The following KMT2A variants were observed in gnomAD, a reference collection of about 807,000 sequenced individuals.
The protein encoded by KMT2A is histone-lysine N-methyltransferase 2A.
A neutral mutation model predicts 345.3 loss-of-function variants in KMT2A; 16 were observed. The ratio of observed to expected loss-of-function variants is 0.05; its 90% CI spans 0.03 to 0.07. KMT2A has a LOEUF of 0.07. Among genes scored for constraint, KMT2A ranks in the 10% least tolerant of loss-of-function variants. KMT2A has a pLI of 1.00. For missense variants in KMT2A, 3,272 were observed against 4,841.6 expected, an observed-to-expected ratio of 0.68 and a Z score of 9.62; for synonymous variants, 1,599 against 1,778.6, an observed-to-expected ratio of 0.90 and a Z score of 2.54.
Position 118,455,002 on chromosome 11 carries a change from C to G in KMT2A, c.433-13773C>G, listed in dbSNP as rs76661490. On this transcript the variant is annotated intron_variant, in intron 1 of 35. Coordinates refer to ENST00000534358, the MANE Select transcript of KMT2A (RefSeq NM_001197104.2). Reference sequence around the variant, plus strand: ...CCACAGCTAACACCTCTCCACCCCCCACTCCTGTCAATTCTTATTGTCCTA... The same window carrying G: ...CCACAGCTAACACCTCTCCACCCCCGACTCCTGTCAATTCTTATTGTCCTA... Among the ~76,000 whole-genome samples the G allele has an allele frequency of 4.3e-3, 656 of 152,202 alleles. 7 individuals carry two copies. Among genetic ancestry groups the G allele is most frequent in the African/African-American group, 0.015 (634 of 41,518 alleles).
At chr11:118,469,373 T>G (rs902276136) in intron 2 of KMT2A, among the ~76,000 whole-genome samples, 21 of 152,170 alleles carry the variant, frequency 1.4e-4, no homozygotes, top group African/African-American at 5.1e-4. Context: ...TTTTTTTGGA[T>G]GAAATTTGGT....
chr11:118,502,314 AT>A lies in KMT2A; in HGVS notation c.6506-83del. The A allele has an allele frequency of 1.3e-6, 1 of 767,536 alleles. No homozygotes were observed. Among genetic ancestry groups the A allele is most frequent in the Non-Finnish European group, 2.1e-6 (1 of 483,260 alleles). 47.5% of individuals were successfully genotyped at this position (767,536 alleles called of 1,614,324 possible). On this transcript the variant is annotated intron_variant, in intron 26 of 35. Transcript: ENST00000534358. This position sits in a 1 kb window ranked among gnomAD's most constrained non-coding sequence, Gnocchi z 4.9. ...TCCAGTTACCTATAAATATATATAT[AT>A]ATAGTCAAATCATTGAAACCAGTGA...
intron 1 of KMT2A, among the ~76,000 whole-genome samples, chr11:118,443,856 C>T (rs1555026499): frequency 6.6e-6 from 1 of 152,080 alleles, no homozygotes; most frequent in African/African-American, 2.4e-5. Context: ...GAGTTTCTTC[C>T]GTATATAGTG....
intron 28 of KMT2A, chr11:118,507,841 T>C (rs990885043): frequency 1.9e-5 from 8 of 411,312 alleles, no homozygotes; most frequent in African/African-American, 1.6e-4. Context: ...CGGGCGCCTG[T>C]AGTCCCAGCC....
In KMT2A at chr11:118,476,883, C is replaced by T; in HGVS notation, c.3235C>T (p.Leu1079Phe). 6.2e-7 allele frequency: 1 copy of T among 1,614,204 alleles called. No individual in the cohort carries two copies. The highest frequency in any genetic ancestry group is 8.5e-7 in the Non-Finnish European group (1 of 1,180,034). ...TGTCTGCAGAAGAGCAGCTGTTGCC[C>T]TTGGCCGAAAACGAGCTGTGTTTCC... ...KHVCRRAAVA[L>F]GRKRAVFPDD... Residue 1079 changes from leucine (L) to phenylalanine (F), a missense_variant, in exon 4 of 36, where the codon CTT becomes TTT. This residue lies in a region of KMT2A where 6 missense variants were observed against 54.1 expected (regional missense o/e 0.11). Transcript: ENST00000534358. The surrounding 1 kb of genome is among the most constrained non-coding windows in gnomAD (Gnocchi z 4.1).
rs1456583022 is a variant in KMT2A at position 118,503,123 on chromosome 11, A to C, written c.7231A>C (p.Ser2411Arg). The C allele has an allele frequency of 6.2e-7, 1 of 1,613,536 alleles. No homozygotes were observed. The highest frequency in any genetic ancestry group is 8.5e-7 in the Non-Finnish European group (1 of 1,180,014). ...CAAAACCTTGAAGCTATCTGGAATG[A>C]GCAACAGATCATCCATTATCAACGA... The part of the protein sequence containing the change: ...EVKTLKLSGM[S>R]NRSSIINEHM... Residue 2411 changes from serine (S) to arginine (R), a missense_variant, in exon 27 of 36, where the codon AGC becomes CGC. Transcript: ENST00000534358. The surrounding 1 kb of genome is among the most constrained non-coding windows in gnomAD (Gnocchi z 5.3).
intron 22 of KMT2A, 74 bp from the exon 23 acceptor site, chr11:118,499,229 C>A (rs1950459287): frequency 3.2e-6 from 3 of 937,030 alleles, no homozygotes; most frequent in African/African-American, 1.6e-5. Context: ...GCCTTCCACT[C>A]TGAGACAGTC....
rs2135282142 is a variant in KMT2A at position 118,519,663 on chromosome 11, T to C, written c.11192T>C (p.Val3731Ala). 6.2e-7 allele frequency: 1 copy of C among 1,614,188 alleles called. No individual in the cohort carries two copies. ...CTGGGGATTCTCCATGATGCAGTTG[T>C]GTTCCTCATTGAGCAGCTGTCTGGT... Reference protein sequence around the residue: ...RMLGILHDAVVFLIEQLSGAK... With the variant: ...RMLGILHDAVAFLIEQLSGAK... Residue 3731 changes from valine (V) to alanine (A), a missense_variant, in exon 32 of 36, where the codon GTG becomes GCG. Transcript: ENST00000534358.
chr11:118,492,462 G>A (rs1950340022), intron 15 of KMT2A, among the ~76,000 whole-genome samples: 1 of 152,202 alleles, frequency 6.6e-6, no homozygotes, highest in Non-Finnish European at 1.5e-5. Context: ...GGCGGATCAC[G>A]AGGTCAGGAG....
intron 31 of KMT2A, among the ~76,000 whole-genome samples, chr11:118,513,223 G>A (rs1591296936): frequency 6.6e-6 from 1 of 151,938 alleles, no homozygotes; most frequent in South Asian, 2.1e-4. Flanking sequence ...CAGCCTGAAC[G>A]ACAGATAAAT....
rs2134402869 is a variant in KMT2A, at chr11:118,504,982, C to T, written c.9090C>T (p.Ser3030=). The T allele has an allele frequency of 6.2e-7, 1 of 1,614,130 alleles. No homozygotes were observed. The highest frequency in any genetic ancestry group is 1.3e-5 in the African/African-American group (1 of 75,024). The change falls in exon 27 of 36, where the codon AGC becomes AGT. Residue 3030 remains serine (S), a synonymous_variant. Coordinates refer to ENST00000534358, the MANE Select transcript of KMT2A (RefSeq NM_001197104.2). This position sits in a 1 kb window ranked among gnomAD's most constrained non-coding sequence, Gnocchi z 6.4. ...ATCAGGATTTAACTAGGAACAGTAG[C>T]ACCCCTGGCCTTCAGGTACCTGTTT... The part of the protein sequence containing the change: ...GNNQDLTRNS[S]TPGLQVPVSP...
chr11:118,507,276 G>A (rs1950600894), intron 27 of KMT2A, among the ~76,000 whole-genome samples: 1 of 152,148 alleles, frequency 6.6e-6, no homozygotes, highest in Non-Finnish European at 1.5e-5. Context: ...CAGCCTAGGT[G>A]GAGTGCACCT....
rs945415061 is a variant in KMT2A at position 118,490,429 on chromosome 11, C to A, written c.4696+180C>A. On this transcript the variant is annotated intron_variant, in intron 13 of 35. Transcript: ENST00000534358. This position sits in a 1 kb window ranked among gnomAD's most constrained non-coding sequence, Gnocchi z 4.2. Reference sequence around the variant, plus strand: ...ACTAGAAATGTCTTGTTAGTTTATACGGGAAGTGTTAAGGGGACTTTTCAT... The same window carrying A: ...ACTAGAAATGTCTTGTTAGTTTATAAGGGAAGTGTTAAGGGGACTTTTCAT... Among the ~76,000 whole-genome samples, 1 of 152,052 alleles carries A rather than the reference C, an allele frequency of 6.6e-6. No individual in the cohort carries two copies. The highest frequency in any genetic ancestry group is 6.6e-5 in the Admixed American group (1 of 15,264).
rs2134287554 is a variant in KMT2A at position 118,478,178 on chromosome 11, C to T, written c.3546C>T (p.Arg1182=). The T allele has an allele frequency of 1.2e-6, 2 of 1,613,882 alleles. No homozygotes were observed. The highest frequency in any genetic ancestry group is 2.2e-5 in the South Asian group (2 of 91,054). Residue 1182 remains arginine (R), a synonymous_variant, in exon 5 of 36, where the codon CGC becomes CGT. Transcript: ENST00000534358. ...NCLDKPKFGG[R]NIKKQCCKMR... ...TAGATAAGCCCAAGTTTGGTGGTCGCAATATAAAGAAGCAGTGCTGCAAGT... is the reference window on the plus strand; with the variant it reads ...TAGATAAGCCCAAGTTTGGTGGTCGTAATATAAAGAAGCAGTGCTGCAAGT...
chr11:118,455,000 C>A (rs942639905), intron 1 of KMT2A, among the ~76,000 whole-genome samples: 2 of 152,040 alleles, frequency 1.3e-5, no homozygotes, highest in African/African-American at 4.8e-5. Context: ...CTCTCCACCC[C>A]CCACTCCTGT....
chr11:118,463,911 G>A (rs1435587298), intron 1 of KMT2A, among the ~76,000 whole-genome samples: 1 of 152,184 alleles, frequency 6.6e-6, no homozygotes, highest in Non-Finnish European at 1.5e-5. Flanking sequence ...AGTTTGAAAA[G>A]AGCCCCTATC....
chr11:118,494,439 T>C lies in KMT2A; in HGVS notation c.5289+41T>C, dbSNP rs372686008. On this transcript the variant is annotated intron_variant, in intron 17 of 35. Coordinates refer to ENST00000534358, the MANE Select transcript of KMT2A (RefSeq NM_001197104.2). This position sits in a 1 kb window ranked among gnomAD's most constrained non-coding sequence, Gnocchi z 5.8. ...AATTCATGTTTTTAATGCTTACCTA[T>C]AAGTAATTACCCTGTGAATACAATG... 2 of 1,070,674 alleles carry C rather than the reference T, an allele frequency of 1.9e-6. No individual in the cohort carries two copies. The highest frequency in any genetic ancestry group is 1.6e-5 in the African/African-American group (1 of 63,490). 66.3% of individuals were successfully genotyped at this position (1,070,674 alleles called of 1,614,324 possible). A position where few individuals can be genotyped will look rare whatever the true frequency, so the allele number is the denominator to read the frequency against.
At chr11:118,462,350 G>A (rs1949761279) in intron 1 of KMT2A, among the ~76,000 whole-genome samples, 1 of 151,266 alleles carries the variant, frequency 6.6e-6, no homozygotes, top group South Asian at 2.1e-4. Flanking sequence ...TTGTTTTTTA[G>A]GGCTCTTACA....
intron 6 of KMT2A, among the ~76,000 whole-genome samples, chr11:118,480,868 T>C (rs1370683802): frequency 6.6e-6 from 1 of 152,138 alleles, no homozygotes; most frequent in Non-Finnish European, 1.5e-5. Flanking sequence ...GATTTTGCCA[T>C]GTTGCCCAGG....
Sources: gnomAD v4.1 joint callset for allele counts (sites outside exome capture counted in the v4.1 genomes callset) on GRCh38, gnomAD v4.1.1 for gene constraint, gnomAD v4.1.1 regional missense constraint, Gnocchi (gnomAD v3.1) non-coding constraint, MANE v1.5 for transcripts, NCBI Gene and HGNC (gene_info 2026-07-23, HGNC 2026-07-21) for gene names.